Variants in ATP12A observed in about 807,000 individuals in gnomAD.
ATP12A encodes potassium-transporting ATPase alpha chain 2.
ATP12A carries 81 observed loss-of-function variants against 111.2 expected under a neutral mutation model. The observed-to-expected ratio is 0.73, with a 90% confidence interval of 0.61 to 0.88. The LOEUF (loss-of-function observed/expected upper bound fraction) is 0.88. ATP12A is among the 40% of genes least tolerant of loss of function. The pLI is 0.00. For missense variants in ATP12A, 1,196 were observed against 1,313.1 expected (o/e 0.91, Z 1.38); for synonymous variants, 498 against 499.8 (o/e 1.00, Z 0.05).
chr13:24,711,421 A>G lies in ATP12A; in HGVS notation c.3091+12A>G, dbSNP rs147451731. 2.1e-3 allele frequency: 3,326 copies of G among 1,613,922 alleles called. 65 individuals are homozygous for G. In the East Asian group the frequency reaches 0.038, roughly 19 times the overall value. ...GCTCTACCCTGGAAGTGAGTAGCCTATGATTTTAGAGGCTCTGTTTACCCA... is the reference window on the plus strand; with the variant it reads ...GCTCTACCCTGGAAGTGAGTAGCCTGTGATTTTAGAGGCTCTGTTTACCCA... On this transcript the variant is annotated intron_variant, in intron 22 of 22. Coordinates refer to ENST00000381946, the MANE Select transcript of ATP12A (RefSeq NM_001676.7).
At chr13:24,690,573 A>G in intron 6 of ATP12A, 31 bp from the exon 7 acceptor site, 1 of 1,603,476 alleles carries the variant, frequency 6.2e-7, no homozygotes, top group Non-Finnish European at 8.5e-7. Flanking sequence ...TGAGGTACCC[A>G]GCTGTGAACC....
intron 3 of ATP12A, 70 bp from the exon 4 acceptor site, chr13:24,688,249 C>A: frequency 6.6e-7 from 1 of 1,511,888 alleles, no homozygotes; most frequent in Non-Finnish European, 8.9e-7. Flanking sequence ...GCAGCCCAAC[C>A]CCTGAGGGAG....
chr13:24,701,501 C>CAAAAAAAAAAAAAAAAAA (rs10586421), intron 13 of ATP12A, among the ~76,000 whole-genome samples: 2 of 101,380 alleles, frequency 2.0e-5, no homozygotes, highest in African/African-American at 3.7e-5. Context: ...AACTCTGTCT[C>CAAAAAAAAAAAAAAAAAA]AAAAAAAAAA....
chr13:24,696,383 A>T (rs1363018872), intron 11 of ATP12A, among the ~76,000 whole-genome samples: 1 of 151,738 alleles, frequency 6.6e-6, no homozygotes, highest in Admixed American at 6.6e-5. Context: ...AAGTTGGAGG[A>T]GAAAGTGGCT....
At chr13:24,702,458 T>A (rs1252437118) in intron 14 of ATP12A, among the ~76,000 whole-genome samples, 1 of 152,260 alleles carries the variant, frequency 6.6e-6, no homozygotes, top group Non-Finnish European at 1.5e-5. Context: ...TCATGCACCC[T>A]CCTTGGTAAG....
At position 24,709,683 on chromosome 13, in the gene ATP12A, G is replaced by A. The variant is rs771514808; in HGVS notation, c.2618G>A (p.Gly873Asp). 6.2e-7 allele frequency: 1 copy of A among 1,614,098 alleles called. No individual in the cohort carries two copies. Among genetic ancestry groups the A allele is most frequent in the South Asian group, 1.1e-5 (1 of 91,076 alleles). Residue 873 changes from glycine to aspartate, a missense_variant and splice_region_variant, in exon 19 of 23, where the codon GGC (glycine) becomes GAC (aspartate). Coordinates refer to ENST00000381946, the MANE Select transcript of ATP12A (RefSeq NM_001676.7). ...PLAVYSYLHI[G>D]LMQALGAFLV... ...TGTCCTATCTCTCTTGTTCTTTCAG[G>A]CCTCATGCAAGCCCTGGGAGCTTTC...
intron 14 of ATP12A, among the ~76,000 whole-genome samples, chr13:24,702,490 C>T (rs1173790553): frequency 2.0e-5 from 3 of 152,166 alleles, no homozygotes; most frequent in African/African-American, 7.2e-5. Context: ...TTTATCCACC[C>T]GGTTTCATAA....
Position 24,709,354 on chromosome 13 carries a change from T to G in ATP12A, c.2494-10T>G. 6.8e-7 allele frequency: 1 copy of G among 1,479,706 alleles called. No individual in the cohort carries two copies. The highest frequency in any genetic ancestry group is 1.1e-5 in the South Asian group (1 of 89,404). The allele number at this position is 1,479,706 out of a possible 1,614,324, so 91.7% of individuals were successfully genotyped here. A position where few individuals can be genotyped will look rare whatever the true frequency, so the allele number is the denominator to read the frequency against. On this transcript the variant is annotated splice_polypyrimidine_tract_variant and intron_variant, in intron 17 of 22. Coordinates refer to ENST00000381946, the MANE Select transcript of ATP12A (RefSeq NM_001676.7). Reference sequence around the variant, plus strand: ...CTGGGGTTAGACCTCACCAGCCTCTTCCCCTCTAGATCCCCTCCATTGCCT... The same window carrying G: ...CTGGGGTTAGACCTCACCAGCCTCTGCCCCTCTAGATCCCCTCCATTGCCT...
At position 24,710,867 on chromosome 13, in the gene ATP12A, C is replaced by G. The variant is rs140399599; in HGVS notation, c.2973C>G (p.Val991=). 25 of 1,614,234 alleles carry G rather than the reference C, an allele frequency of 1.5e-5. No homozygotes were observed. In the African/African-American group the frequency reaches 3.2e-4, roughly 21 times the overall value. Residue 991 remains valine (V), a synonymous_variant, in exon 21 of 23, where the codon GTC becomes GTG. Transcript: ENST00000381946. ...TCCTCTCCTATGGCCTCGGAAGTGTCACAGCCTTGAGTTTCACCATGCTTA... is the reference window on the plus strand; with the variant it reads ...TCCTCTCCTATGGCCTCGGAAGTGTGACAGCCTTGAGTTTCACCATGCTTA... ...GLILSYGLGS[V]TALSFTMLRA...
chr13:24,691,748 C>G (rs559721554), intron 8 of ATP12A, among the ~76,000 whole-genome samples: 6 of 152,254 alleles, frequency 3.9e-5, no homozygotes, highest in African/African-American at 1.2e-4. Context: ...TAGAGAAGAG[C>G]CCCCTCCTCC....
Position 24,711,487 on chromosome 13 carries a change from T to G in ATP12A, c.3092-7T>G, listed in dbSNP as rs190601295. ...CATTTCTGATGTACTTTTTTCTACCTCTACAGGCTGGTGGGATAAGAACAT... is the reference window on the plus strand; with the variant it reads ...CATTTCTGATGTACTTTTTTCTACCGCTACAGGCTGGTGGGATAAGAACAT... On this transcript the variant is annotated splice_region_variant and splice_polypyrimidine_tract_variant and intron_variant, in intron 22 of 22. Transcript: ENST00000381946. The G allele has an allele frequency of 5.6e-6, 9 of 1,614,196 alleles. No individual in the cohort carries two copies. The Admixed American group carries it at 1.5e-4, about 27-fold the overall frequency.
chr13:24,706,086 T>G (rs776417772), intron 14 of ATP12A, among the ~76,000 whole-genome samples: 3 of 152,192 alleles, frequency 2.0e-5, no homozygotes, highest in Non-Finnish European at 2.9e-5. Flanking sequence ...TTATTCCTAT[T>G]GTTATATGGT....
At chr13:24,706,983 C>A (rs1369359808) in intron 15 of ATP12A, 40 bp from the exon 16 acceptor site, 1 of 1,554,980 alleles carries the variant, frequency 6.4e-7, no homozygotes, top group Non-Finnish European at 8.7e-7. Context: ...ACCCACTGGG[C>A]CTGCTCACTC....
At position 24,685,481 on chromosome 13, in the gene ATP12A, A is replaced by AG. The variant is rs1001028095; in HGVS notation, c.228+112dup. On this transcript the variant is annotated intron_variant, in intron 3 of 22. Coordinates refer to ENST00000381946, the MANE Select transcript of ATP12A (RefSeq NM_001676.7). The surrounding 1 kb of genome is among the most constrained non-coding windows in gnomAD (Gnocchi z 5.5). ...GAAGAGTAGCGGCACCTTTAGGAGG[A>AG]GGGGCCCCTGCAGCGCCTTTGAGAC... is the stretch of plus-strand genomic sequence containing the variant. 205 of 1,165,360 alleles carry AG rather than the reference A, an allele frequency of 1.8e-4. No individual in the cohort carries two copies. In the African/African-American group the frequency reaches 2.6e-3, roughly 15 times the overall value. 72.2% of individuals were successfully genotyped at this position (1,165,360 alleles called of 1,614,324 possible). A position where few individuals can be genotyped will look rare whatever the true frequency, so the allele number is the denominator to read the frequency against.
intron 21 of ATP12A, 54 bp downstream of exon 21, chr13:24,710,947 T>A (rs754496661): frequency 2.0e-6 from 3 of 1,514,358 alleles, no homozygotes; most frequent in African/African-American, 2.7e-5. Flanking sequence ...CTTTGAGCTG[T>A]CGCAGCCTAA....
chr13:24,709,420 G>C lies in ATP12A; in HGVS notation c.2550G>C (p.Lys850Asn). 6.2e-7 allele frequency: 1 copy of C among 1,613,980 alleles called. No individual in the cohort carries two copies. Among genetic ancestry groups the C allele is most frequent in the South Asian group, 1.1e-5 (1 of 91,076 alleles). The change falls in exon 18 of 23, where the codon AAG becomes AAC. Residue 850 changes from lysine to asparagine, a missense_variant. By Grantham distance (94) the Lys-to-Asn change is moderately conservative (BLOSUM62 0). Transcript: ENST00000381946. ...EKAESDIMNR[K>N]PRHKNKDRLV... Reference sequence around the variant, plus strand: ...CTGAAAGTGACATCATGAACAGGAAGCCTCGCCACAAGAATAAGGACAGGC... The same window carrying C: ...CTGAAAGTGACATCATGAACAGGAACCCTCGCCACAAGAATAAGGACAGGC...
At chr13:24,701,680 C>A (rs1439765741) in intron 13 of ATP12A, among the ~76,000 whole-genome samples, 1 of 152,164 alleles carries the variant, frequency 6.6e-6, no homozygotes, top group African/African-American at 2.4e-5. Flanking sequence ...AGCCCTTTCA[C>A]AAATAAAGTG....
intron 2 of ATP12A, among the ~76,000 whole-genome samples, chr13:24,682,336 GGT>G (rs150694952): frequency 0.1 from 12,653 of 123,564 alleles, 1,174 homozygotes; most frequent in Middle Eastern, 0.15. Flanking sequence ...TGTAGCGTGT[GGT>G]GTGTGTGTAG....
At chr13:24,695,880 A>T (rs900891228) in intron 11 of ATP12A, among the ~76,000 whole-genome samples, 5 of 152,134 alleles carry the variant, frequency 3.3e-5, no homozygotes, top group Admixed American at 3.3e-4. Context: ...AAGTGCTGGG[A>T]TTACAGGCGT....
Sources: gnomAD v4.1 joint callset for allele counts (sites outside exome capture counted in the v4.1 genomes callset) on GRCh38, gnomAD v4.1.1 for gene constraint, Gnocchi (gnomAD v3.1) non-coding constraint, MANE v1.5 for transcripts, NCBI Gene and HGNC (gene_info 2026-07-23, HGNC 2026-07-21) for gene names.